ACYP2: variants seen among roughly 807,000 people sequenced by gnomAD.
The protein encoded by ACYP2 is acylphosphatase-2.
Under a neutral mutation model 11.2 loss-of-function variants are expected in ACYP2, and 12 were observed. That is an observed-to-expected ratio of 1.08 (90% confidence interval 0.69 to 1.74). The LOEUF (loss-of-function observed/expected upper bound fraction) is 1.74. Ranked by LOEUF, ACYP2 falls within the 40% of genes most tolerant of loss-of-function variation. The probability of loss-of-function intolerance (pLI) is 0.00; values close to 1 mark genes in which losing one functional copy is unlikely to be tolerated. For missense variants in ACYP2, 134 were observed against 101.9 expected (o/e 1.31, Z -1.35); for synonymous variants, 43 against 32.2 (o/e 1.33, Z -1.13).
At chr2:54,301,905 G>C (rs1463807764) in intron 6 of ACYP2, among the ~76,000 whole-genome samples, 2 of 152,066 alleles carry the variant, frequency 1.3e-5, no homozygotes, top group East Asian at 3.9e-4. Flanking sequence ...GATCAGGCAG[G>C]GTGGTTCCTA....
rs535967116 is a variant in ACYP2, at chr2:53,990,917, C to T, written c.62+17107C>T. Among the ~76,000 whole-genome samples, 68 of 152,098 alleles carry T rather than the reference C, an allele frequency of 4.5e-4. 1 individual carries two copies. The highest frequency in any genetic ancestry group is 1.5e-3 in the African/African-American group (63 of 41,538). Reference sequence around the variant, plus strand: ...GTTCACGCCATTCTCCTGCCTCAGCCTCCCGAGTAGCTGTGATTACAGGTG... The same window carrying T: ...GTTCACGCCATTCTCCTGCCTCAGCTTCCCGAGTAGCTGTGATTACAGGTG... On this transcript the variant is annotated intron_variant, in intron 2 of 6. Coordinates refer to ENST00000607452, the MANE Select transcript of ACYP2 (RefSeq NM_001320586.2).
At chr2:54,006,204 A>C (rs1573500844) in intron 2 of ACYP2, among the ~76,000 whole-genome samples, 1 of 151,904 alleles carries the variant, frequency 6.6e-6, no homozygotes, top group Admixed American at 6.6e-5. Context: ...CTGGAGTGCA[A>C]TGGTACGATC....
chr2:53,982,838 G>C (rs987112144), intron 2 of ACYP2, among the ~76,000 whole-genome samples: 8 of 90,668 alleles, frequency 8.8e-5, no homozygotes, highest in African/African-American at 3.0e-4. Flanking sequence ...CTGTGTGTGT[G>C]TGTGTGTGTG....
intron 2 of ACYP2, among the ~76,000 whole-genome samples, chr2:54,015,688 C>G (rs10190353): frequency 8.2e-6 from 1 of 122,486 alleles, no homozygotes; most frequent in Non-Finnish European, 1.7e-5. Context: ...CACACACACA[C>G]GGCAGAATCT....
At chr2:54,098,237 G>A (rs1193186329) in intron 4 of ACYP2, among the ~76,000 whole-genome samples, 1 of 152,118 alleles carries the variant, frequency 6.6e-6, no homozygotes, top group African/African-American at 2.4e-5. Flanking sequence ...CCAAAGTGCT[G>A]AGATTATAGG....
chr2:54,200,287 G>T (rs13423383), intron 6 of ACYP2, among the ~76,000 whole-genome samples: 1 of 152,042 alleles, frequency 6.6e-6, no homozygotes, highest in African/African-American at 2.4e-5. Flanking sequence ...ATATATACAT[G>T]TGCATATATC....
At chr2:54,291,164 G>T (rs1158376022) in intron 6 of ACYP2, among the ~76,000 whole-genome samples, 1 of 152,142 alleles carries the variant, frequency 6.6e-6, no homozygotes. Flanking sequence ...ACAGCATTTG[G>T]ACACTGACTG....
intron 6 of ACYP2, among the ~76,000 whole-genome samples, chr2:54,272,224 G>A (rs896086272): frequency 1.3e-5 from 2 of 152,130 alleles, no homozygotes; most frequent in Admixed American, 6.5e-5. Flanking sequence ...GCCCCAAGAA[G>A]CAATAAAAAA....
chr2:54,075,398 C>CTAAGT (rs1362299912), intron 4 of ACYP2, among the ~76,000 whole-genome samples: 1 of 151,448 alleles, frequency 6.6e-6, no homozygotes, highest in Non-Finnish European at 1.5e-5. Flanking sequence ...ACTTGGGAGG[C>CTAAGT]TAAGGCATGA....
intron 2 of ACYP2, among the ~76,000 whole-genome samples, chr2:54,049,205 G>C (rs1296249822): frequency 6.6e-6 from 1 of 152,120 alleles, no homozygotes; most frequent in Non-Finnish European, 1.5e-5. Context: ...AGACTGCAGT[G>C]AGCCAAGATC....
chr2:54,115,764 G>A lies in ACYP2; in HGVS notation c.278-19689G>A. ...TGTTCGGAAGAGTGCAGGGTAGGAG[G>A]CCCCTCTACGGTGGGAGATCAAAAA... On this transcript the variant is annotated intron_variant, in intron 4 of 6. Coordinates refer to ENST00000607452, the MANE Select transcript of ACYP2 (RefSeq NM_001320586.2). 3 of 1,599,458 alleles carry A rather than the reference G, an allele frequency of 1.9e-6. No homozygotes were observed. Among genetic ancestry groups the A allele is most frequent in the Non-Finnish European group, 2.6e-6 (3 of 1,173,406 alleles).
At chr2:54,064,133 G>A (rs1676616840) in intron 4 of ACYP2, among the ~76,000 whole-genome samples, 1 of 152,140 alleles carries the variant, frequency 6.6e-6, no homozygotes, top group South Asian at 2.1e-4. Flanking sequence ...GAAGGAATGA[G>A]CCACCACACC....
chr2:54,135,419 A>C, intron 4 of ACYP2, 34 bp from the exon 2 acceptor site: 4 of 1,601,128 alleles, frequency 2.5e-6, no homozygotes, highest in Non-Finnish European at 3.4e-6. Context: ...AAGGAGGACA[A>C]GCTGACAATT....
At chr2:54,169,330 G>A (rs1021229118) in intron 6 of ACYP2, among the ~76,000 whole-genome samples, 1 of 152,150 alleles carries the variant, frequency 6.6e-6, no homozygotes, top group African/African-American at 2.4e-5. Context: ...ACACCCATGA[G>A]AGCCTCCCCT....
intron 2 of ACYP2, among the ~76,000 whole-genome samples, chr2:54,016,816 C>G (rs968624460): frequency 6.6e-5 from 10 of 151,242 alleles, no homozygotes; most frequent in African/African-American, 2.4e-4. Context: ...AGCTCCGCCT[C>G]CTGGGTTCAC....
At chr2:54,231,083 G>A (rs62139195) in intron 6 of ACYP2, among the ~76,000 whole-genome samples, 121 of 152,018 alleles carry the variant, frequency 8.0e-4, no homozygotes, top group Middle Eastern at 3.4e-3. Context: ...TGCCTGCCTC[G>A]GCCTCCCAAA....
At chr2:54,013,255 ATGTGTGTGTGTG>A (rs60289014) in intron 2 of ACYP2, among the ~76,000 whole-genome samples, 3,136 of 117,568 alleles carry the variant, frequency 0.027, 101 homozygotes, top group South Asian at 0.059. Flanking sequence ...ACCATCTAAT[ATGTGTGTGTGTG>A]TGTGTGTGTG....
intron 6 of ACYP2, among the ~76,000 whole-genome samples, chr2:54,211,275 A>G (rs923432537): frequency 6.6e-5 from 10 of 152,236 alleles, no homozygotes; most frequent in African/African-American, 2.2e-4. Flanking sequence ...TCCTGATGGC[A>G]AAAAATGAAT....
chr2:54,013,011 C>T (rs886365846), intron 2 of ACYP2, among the ~76,000 whole-genome samples: 5 of 152,144 alleles, frequency 3.3e-5, no homozygotes, highest in African/African-American at 4.8e-5. Flanking sequence ...TACCTCAAGA[C>T]GTGCACTGTC....
Sources: allele counts gnomAD v4.1 joint callset (sites outside exome capture counted in the v4.1 genomes callset), GRCh38; gene constraint gnomAD v4.1.1; transcripts MANE v1.5; gene names NCBI Gene and HGNC (gene_info 2026-07-23, HGNC 2026-07-21).